Variants in PDPR observed in about 807,000 individuals in gnomAD.
PDPR encodes pyruvate dehydrogenase phosphatase regulatory subunit.
PDPR carries 50 observed loss-of-function variants against 102.2 expected under a neutral mutation model. That is an observed-to-expected ratio of 0.49 (90% CI 0.39 to 0.62). The LOEUF (loss-of-function observed/expected upper bound fraction) is 0.62, where lower values mean the gene tolerates loss of function less well. Among genes scored for constraint, PDPR ranks in the 20% least tolerant of loss-of-function variants. The pLI is 0.00. For missense variants in PDPR, 625 were observed against 1,098.2 expected (o/e 0.57, Z 6.09); for synonymous variants, 259 against 406.0 (o/e 0.64, Z 4.35).
chr16:70,137,781 C>T (rs533605399), intron 10 of PDPR, among the ~76,000 whole-genome samples: 8 of 152,372 alleles, frequency 5.3e-5, no homozygotes, highest in South Asian at 2.1e-4. Flanking sequence ...GATGTGGTCA[C>T]GTAACTGTAT....
At chr16:70,131,447 C>T in intron 8 of PDPR, 28 bp downstream of exon 8, 2 of 1,457,352 alleles carry the variant, frequency 1.4e-6, no homozygotes, top group Non-Finnish European at 1.9e-6. Context: ...TTTAAAAAAT[C>T]TTGTTTCTTT....
In PDPR at chr16:70,132,304, T is replaced by C. The variant is rs28420658; in HGVS notation, c.997+4T>C. 1.9e-3 allele frequency: 3,010 copies of C among 1,611,360 alleles called. 16 individuals are homozygous for C. The African/African-American group carries it at 0.033, about 17-fold the overall frequency. ...CAGGAAGACTGGGATCACTTTGGTA[T>C]GTGAACTGCATTATAACCGTAGTGC... is the stretch of plus-strand genomic sequence containing the variant. On this transcript the variant is annotated splice_donor_region_variant and intron_variant, in intron 9 of 18. Coordinates refer to ENST00000288050, the MANE Select transcript of PDPR (RefSeq NM_017990.5).
intron 2 of PDPR, among the ~76,000 whole-genome samples, chr16:70,115,764 C>T (rs868464866): frequency 9.9e-5 from 15 of 152,152 alleles, no homozygotes; most frequent in South Asian, 6.2e-4. Flanking sequence ...AGTTATTCTT[C>T]TTAGCAGAGA....
At chr16:70,155,020 C>T (rs557999509) in intron 18 of PDPR, among the ~76,000 whole-genome samples, 270 of 152,104 alleles carry the variant, frequency 1.8e-3, no homozygotes, top group Non-Finnish European at 3.2e-3. Flanking sequence ...GGTGAAACCC[C>T]GTATCTGCTA....
rs1429875587 is a variant in PDPR at position 70,131,356 on chromosome 16, G to A, written c.784G>A (p.Ala262Thr). 8 of 1,551,262 alleles carry A rather than the reference G, an allele frequency of 5.2e-6. No individual in the cohort carries two copies. The highest frequency in any genetic ancestry group is 2.4e-5 in the East Asian group (1 of 42,406). The change falls in exon 8 of 19, where the codon GCC becomes ACC. Residue 262 changes from alanine (A) to threonine (T), a missense_variant. By Grantham distance (58) the Ala-to-Thr change is moderately conservative. Coordinates refer to ENST00000288050, the MANE Select transcript of PDPR (RefSeq NM_017990.5). ...NEEPVSIPLH[A>T]CEHFYLLTRP... is the part of the protein sequence containing the mutation. ...GGAGCCGGTTAGTATCCCGCTACAT[G>A]CCTGCGAACACTTCTACCTCCTGAC...
intron 9 of PDPR, among the ~76,000 whole-genome samples, chr16:70,133,248 G>A (rs185791536): frequency 4.7e-4 from 72 of 151,632 alleles, no homozygotes; most frequent in African/African-American, 1.6e-3. Context: ...CAGAGTAGGT[G>A]GTAGGTGGGA....
At chr16:70,140,393 TATAAG>T (rs1422007124) in intron 11 of PDPR, among the ~76,000 whole-genome samples, 2 of 152,278 alleles carry the variant, frequency 1.3e-5, no homozygotes, top group African/African-American at 4.8e-5. Flanking sequence ...GTTGAACTAT[TATAAG>T]CCTAAATTTC....
intron 17 of PDPR, among the ~76,000 whole-genome samples, chr16:70,152,173 A>G (rs1207391285): frequency 6.6e-6 from 1 of 152,284 alleles, no homozygotes; most frequent in Non-Finnish European, 1.5e-5. Flanking sequence ...TCCCTTACAC[A>G]CATACCACAG....
Position 70,131,436 on chromosome 16 carries a change from T to A in PDPR, c.847+17T>A, listed in dbSNP as rs1964527597. ...GCACACCAAGTGAGGACTTGCACTTTTTTAAAAAATCTTGTTTCTTTGCCA... is the reference window on the plus strand; with the variant it reads ...GCACACCAAGTGAGGACTTGCACTTATTTAAAAAATCTTGTTTCTTTGCCA... On this transcript the variant is annotated intron_variant, in intron 8 of 18. Coordinates refer to ENST00000288050, the MANE Select transcript of PDPR (RefSeq NM_017990.5). 5 of 1,443,842 alleles carry A rather than the reference T, an allele frequency of 3.5e-6. No homozygotes were observed. Among genetic ancestry groups the A allele is most frequent in the Non-Finnish European group, 4.8e-6 (5 of 1,045,826 alleles). 89.4% of individuals were successfully genotyped at this position (1,443,842 alleles called of 1,614,324 possible).
At chr16:70,149,466 A>G (rs566647192) in intron 17 of PDPR, among the ~76,000 whole-genome samples, 466 of 151,618 alleles carry the variant, frequency 3.1e-3, no homozygotes, top group Non-Finnish European at 4.3e-3. Context: ...GGGCTTCACC[A>G]TGTTGCCCAG....
downstream of PDPR, chr16:70,162,676 A>G (rs1001491496): frequency 1.3e-5 from 2 of 152,948 alleles, no homozygotes; most frequent in Non-Finnish European, 2.9e-5. Context: ...GGGGTAGAGA[A>G]GATGTAGGTG....
intron 9 of PDPR, among the ~76,000 whole-genome samples, chr16:70,135,187 A>G (rs1964992323): frequency 6.6e-6 from 1 of 151,952 alleles, no homozygotes; most frequent in Admixed American, 6.6e-5. Flanking sequence ...TTTCCTTTAA[A>G]GCAGGGTGAA....
intron 9 of PDPR, 85 bp downstream of exon 9, chr16:70,132,385 G>C: frequency 7.3e-7 from 1 of 1,365,474 alleles, no homozygotes; most frequent in Admixed American, 2.1e-5. Context: ...ATAGTTCCTT[G>C]TTTAATGTTT....
chr16:70,145,302 T>A (rs1348503666), intron 15 of PDPR, among the ~76,000 whole-genome samples: 7 of 152,322 alleles, frequency 4.6e-5, no homozygotes, highest in Admixed American at 2.6e-4. Flanking sequence ...CACGCCGGGC[T>A]AATTTCTGTA....
intron 16 of PDPR, chr16:70,147,779 A>G: frequency 2.8e-6 from 1 of 363,254 alleles, no homozygotes. Flanking sequence ...GCAACAGAAA[A>G]CTCTCCACTG....
At chr16:70,154,351 AGAT>A (rs1404707300) in intron 18 of PDPR, among the ~76,000 whole-genome samples, 11 of 152,274 alleles carry the variant, frequency 7.2e-5, no homozygotes, top group Admixed American at 2.6e-4. Context: ...CATAGTAAAT[AGAT>A]GACACTTGGT....
At chr16:70,123,410 G>GT (rs1555520915) in intron 3 of PDPR, among the ~76,000 whole-genome samples, 5 of 152,048 alleles carry the variant, frequency 3.3e-5, no homozygotes, top group South Asian at 4.1e-4. Flanking sequence ...CTAATTTTTT[G>GT]TTTTTTTGGT....
intron 2 of PDPR, among the ~76,000 whole-genome samples, chr16:70,118,170 A>G (rs866652007): frequency 2.6e-5 from 4 of 152,080 alleles, no homozygotes; most frequent in Admixed American, 6.6e-5. Flanking sequence ...GAGAGATAGC[A>G]GTTGATGGAG....
Position 70,156,557 on chromosome 16 carries a change from A to G in PDPR, c.2318A>G (p.Asp773Gly). The G allele has an allele frequency of 7.4e-6, 12 of 1,614,082 alleles. No homozygotes were observed. The highest frequency in any genetic ancestry group is 9.3e-6 in the Non-Finnish European group (11 of 1,179,902). Residue 773 changes from aspartate (D) to glycine (G), a missense_variant, in exon 19 of 19, where the codon GAC (aspartate) becomes GGC (glycine). By Grantham distance (94) the Asp-to-Gly change is moderately conservative (BLOSUM62 -1). Transcript: ENST00000288050. ...AAACGCCTCACCATGTTCATCCTGG[A>G]CGACCATGATTCAGACCTAGACCTT... ...VYKRLTMFIL[D>G]DHDSDLDLWP...
Sources: gnomAD v4.1 joint callset for allele counts (sites outside exome capture counted in the v4.1 genomes callset) on GRCh38, gnomAD v4.1.1 for gene constraint, MANE v1.5 for transcripts, NCBI Gene and HGNC (gene_info 2026-07-23, HGNC 2026-07-21) for gene names.